The following PCDHA2 variants were observed in gnomAD, a reference collection of about 807,000 sequenced individuals.
PCDHA2 encodes protocadherin alpha-2.
Under a neutral mutation model 66.0 loss-of-function variants are expected in PCDHA2, and 58 were observed. That is an observed-to-expected ratio of 0.88 (90% confidence interval 0.71 to 1.09). The LOEUF (loss-of-function observed/expected upper bound fraction) is 1.09. Ranked by LOEUF, PCDHA2 falls within the 50% of genes least tolerant of loss-of-function variation. PCDHA2 has a pLI of 0.00. For synonymous variants in PCDHA2, 634 were observed against 554.0 expected, an observed-to-expected ratio of 1.14 and a Z score of -2.03; for missense variants, 1,267 against 1,242.3, an observed-to-expected ratio of 1.02 and a Z score of -0.30.
In PCDHA2 at chr5:141,010,551, C is replaced by T. The variant is rs2098417607; in HGVS notation, c.*614C>T. ...AGCCACCCTCTAGGAGACAAAACTA[C>T]CCCCACTGACAAGGCTTTAGGAGAC... On this transcript the variant is annotated 3_prime_UTR_variant, in exon 4 of 4. Coordinates refer to ENST00000526136, the MANE Select transcript of PCDHA2 (RefSeq NM_018905.3). The T allele has an allele frequency of 9.3e-6, 3 of 323,786 alleles. No homozygotes were observed. Among genetic ancestry groups the T allele is most frequent in the African/African-American group, 2.1e-5 (1 of 47,406 alleles). The allele number at this position is 323,786 out of a possible 1,614,324, so 20.1% of individuals were successfully genotyped here.
At chr5:140,821,186 GA>G (rs1457937016) in intron 1 of PCDHA2, among the ~76,000 whole-genome samples, 5 of 152,042 alleles carry the variant, frequency 3.3e-5, no homozygotes, top group African/African-American at 1.2e-4. Flanking sequence ...GACTAATACA[GA>G]AAAAACTCAA....
At chr5:140,848,972 T>G in intron 1 of PCDHA2, 3 of 1,601,076 alleles carry the variant, frequency 1.9e-6, no homozygotes, top group Non-Finnish European at 2.6e-6. Context: ...GCGCGTCCGA[T>G]GCAGATATCG....
intron 1 of PCDHA2, chr5:140,884,364 A>G: frequency 1.2e-6 from 2 of 1,613,884 alleles, no homozygotes; most frequent in Non-Finnish European, 1.7e-6. Flanking sequence ...GTCAATGTTT[A>G]CTTGATCATT....
chr5:140,868,098 A>G (rs972281563), intron 1 of PCDHA2: 22 of 152,120 alleles, frequency 1.4e-4, no homozygotes, highest in Admixed American at 1.0e-3. Context: ...AATGATAATA[A>G]AATTTATTTT....
At chr5:140,871,302 G>A in intron 1 of PCDHA2, 1 of 1,613,972 alleles carries the variant, frequency 6.2e-7, no homozygotes, top group Non-Finnish European at 8.5e-7. Context: ...CGTGCGCGCC[G>A]GGGAAGCCCA....
chr5:140,878,378 G>T (rs1449332570), intron 1 of PCDHA2, among the ~76,000 whole-genome samples: 3 of 152,178 alleles, frequency 2.0e-5, no homozygotes, highest in African/African-American at 7.2e-5. Flanking sequence ...TATGATGAAT[G>T]ATTTTCTTCA....
intron 1 of PCDHA2, among the ~76,000 whole-genome samples, chr5:140,903,073 T>C (rs1181656778): frequency 6.6e-6 from 1 of 152,196 alleles, no homozygotes; most frequent in Admixed American, 6.5e-5. Context: ...TTTGGGTAGA[T>C]ACCTGATAGT....
rs77308266 is a variant in PCDHA2 at position 140,916,313 on chromosome 5, A to C, written c.2389-62636A>C. On this transcript the variant is annotated intron_variant, in intron 1 of 3. Transcript: ENST00000526136. ...GCCAAACTGGTACCAAAGGTGCAAG[A>C]CAAAGTCCCCTTTACTTTTTCCTCT... Among the ~76,000 whole-genome samples the C allele has an allele frequency of 8.0e-3, 1,216 of 152,336 alleles. 6 individuals are homozygous for C. The highest frequency in any genetic ancestry group is 0.019 in the African/African-American group (784 of 41,584).
chr5:140,867,552 TATG>T (rs1353762493), intron 1 of PCDHA2: 1 of 152,120 alleles, frequency 6.6e-6, no homozygotes, highest in Non-Finnish European at 1.5e-5. Flanking sequence ...AGCATACACA[TATG>T]ATAACTTTTT....
intron 1 of PCDHA2, chr5:140,821,836 G>A (rs2150111066): frequency 6.2e-7 from 1 of 1,614,106 alleles, no homozygotes; most frequent in Non-Finnish European, 8.5e-7. Flanking sequence ...GCTTCTCCTT[G>A]CCTACTGGAA....
intron 1 of PCDHA2, chr5:140,849,308 A>C (rs1224094157): frequency 7.7e-7 from 1 of 1,299,604 alleles, no homozygotes; most frequent in Admixed American, 2.3e-5. Flanking sequence ...ATTTAGACGA[A>C]GGCTTGAATG....
intron 1 of PCDHA2, chr5:140,862,735 G>T: frequency 1.7e-6 from 1 of 574,782 alleles, no homozygotes. Flanking sequence ...GTCTAGCTAT[G>T]TGTGGGTGCA....
intron 1 of PCDHA2, chr5:140,801,915 C>T (rs782045551): frequency 1.9e-6 from 3 of 1,614,120 alleles, no homozygotes; most frequent in Admixed American, 3.3e-5. Flanking sequence ...CGACAACGCC[C>T]CAGCGTTTGA....
chr5:140,820,098 A>G (rs1554127792), intron 1 of PCDHA2, among the ~76,000 whole-genome samples: 1 of 151,998 alleles, frequency 6.6e-6, no homozygotes, highest in Non-Finnish European at 1.5e-5. Flanking sequence ...AATATTTATT[A>G]TCATTTTCTT....
At chr5:140,871,596 C>G in intron 1 of PCDHA2, 2 of 1,453,962 alleles carry the variant, frequency 1.4e-6, no homozygotes, top group South Asian at 2.9e-5. Flanking sequence ...TATGAATAAC[C>G]AGTGTTTTGA....
intron 1 of PCDHA2, chr5:140,871,159 GC>G (rs1562658226): frequency 6.2e-7 from 1 of 1,613,450 alleles, no homozygotes; most frequent in Non-Finnish European, 8.5e-7. Flanking sequence ...GGCGGGCGCC[GC>G]GAGCCCAGAG....
chr5:140,841,872 CA>C, intron 1 of PCDHA2: 1 of 1,613,796 alleles, frequency 6.2e-7, no homozygotes, highest in Non-Finnish European at 8.5e-7. Context: ...GATGTGAATT[CA>C]AAGAACGATG....
chr5:140,884,500 G>C (rs782378726), intron 1 of PCDHA2: 10 of 1,614,004 alleles, frequency 6.2e-6, no homozygotes, highest in Admixed American at 3.3e-5. Flanking sequence ...GCTCCAGCGC[G>C]GCAGGGAGTT....
intron 1 of PCDHA2, among the ~76,000 whole-genome samples, chr5:140,914,439 T>G (rs1352001626): frequency 6.6e-6 from 1 of 152,192 alleles, no homozygotes; most frequent in Admixed American, 6.6e-5. Flanking sequence ...TCTTTTCCCA[T>G]GTCTTTATTT....
Sources: gnomAD v4.1 joint callset for allele counts (sites outside exome capture counted in the v4.1 genomes callset) on GRCh38, gnomAD v4.1.1 for gene constraint, MANE v1.5 for transcripts, NCBI Gene and HGNC (gene_info 2026-07-23, HGNC 2026-07-21) for gene names.